The following UBE2U variants were observed in gnomAD, a reference collection of about 807,000 sequenced individuals.
The protein encoded by UBE2U is ubiquitin-conjugating enzyme E2 U.
UBE2U carries 39 observed loss-of-function variants against 41.2 expected under a neutral mutation model. The observed-to-expected ratio is 0.95, with a 90% CI of 0.73 to 1.24. UBE2U has a LOEUF of 1.24. Among genes scored for constraint, UBE2U ranks in the 50% most tolerant of loss-of-function variants. The probability of loss-of-function intolerance (pLI) is 0.00; values close to 1 mark genes in which losing one functional copy is unlikely to be tolerated. For synonymous variants in UBE2U, 107 were observed against 117.8 expected, an observed-to-expected ratio of 0.91 and a Z score of 0.60; for missense variants, 336 against 363.1, an observed-to-expected ratio of 0.93 and a Z score of 0.61.
rs1052253288 is a variant in UBE2U at position 64,267,265 on chromosome 1, G to A, written c.*57G>A. The A allele has an allele frequency of 2.1e-5, 29 of 1,364,890 alleles. No individual in the cohort carries two copies. Among genetic ancestry groups the A allele is most frequent in the Non-Finnish European group, 2.7e-5 (28 of 1,044,686 alleles). 84.5% of individuals were successfully genotyped at this position (1,364,890 alleles called of 1,614,324 possible). A position where few individuals can be genotyped will look rare whatever the true frequency, so the allele number is the denominator to read the frequency against. On this transcript the variant is annotated 3_prime_UTR_variant, in exon 10 of 10. Transcript: ENST00000371077. Reference sequence around the variant, plus strand: ...GCCTCCGCCATAGCCCAGCGTTGTGGAGCAATTTTGGAAGACTCTCAGAAC... The same window carrying A: ...GCCTCCGCCATAGCCCAGCGTTGTGAAGCAATTTTGGAAGACTCTCAGAAC...
chr1:64,258,818 A>T (rs1645138016), intron 8 of UBE2U, among the ~76,000 whole-genome samples: 1 of 152,160 alleles, frequency 6.6e-6, no homozygotes, highest in Non-Finnish European at 1.5e-5. Flanking sequence ...ATGATTTACA[A>T]TCCTTTGGGT....
chr1:64,224,648 G>A (rs1165082502), intron 6 of UBE2U, among the ~76,000 whole-genome samples: 2 of 151,914 alleles, frequency 1.3e-5, no homozygotes, highest in African/African-American at 2.4e-5. Context: ...GCTTGAACCC[G>A]GGAGGTGGAG....
chr1:64,204,982 G>A (rs189563001), intron 1 of UBE2U, among the ~76,000 whole-genome samples: 1 of 152,288 alleles, frequency 6.6e-6, no homozygotes, highest in African/African-American at 2.4e-5. Flanking sequence ...TGTTGAAAGA[G>A]AATCCAATGA....
chr1:64,231,951 T>A (rs1191780916), intron 6 of UBE2U, among the ~76,000 whole-genome samples: 1 of 152,250 alleles, frequency 6.6e-6, no homozygotes, highest in Non-Finnish European at 1.5e-5. Context: ...TTTAAGGGAC[T>A]GCTTTATAGT....
At chr1:64,244,254 C>T (rs1156474244) in intron 8 of UBE2U, 6 of 1,379,524 alleles carry the variant, frequency 4.3e-6, no homozygotes, top group African/African-American at 1.5e-5. Flanking sequence ...GATAACCTTA[C>T]CTATCTTGCA....
In UBE2U at chr1:64,244,096, T is replaced by C. The variant is rs771131416; in HGVS notation, c.677+2363T>C. On this transcript the variant is annotated intron_variant, in intron 8 of 9. Coordinates refer to ENST00000371077, the MANE Select transcript of UBE2U (RefSeq NM_001366232.2). ...TAAAGTTCGCTATTATTCATGCTTT[T>C]AAAACTTTACTGTGGCCCTCATTCA... The C allele has an allele frequency of 1.3e-4, 201 of 1,516,318 alleles. No homozygotes were observed. In the Admixed American group the frequency reaches 3.3e-3, roughly 25 times the overall value. 93.9% of individuals were successfully genotyped at this position (1,516,318 alleles called of 1,614,324 possible). A position where few individuals can be genotyped will look rare whatever the true frequency, so the allele number is the denominator to read the frequency against.
chr1:64,266,633 T>C (rs1645259364), intron 9 of UBE2U, among the ~76,000 whole-genome samples: 1 of 152,190 alleles, frequency 6.6e-6, no homozygotes, highest in Non-Finnish European at 1.5e-5. Context: ...TTCTTCTATC[T>C]AACATGTTCT....
At chr1:64,256,970 A>G (rs903869200) in intron 8 of UBE2U, among the ~76,000 whole-genome samples, 6 of 152,334 alleles carry the variant, frequency 3.9e-5, no homozygotes, top group African/African-American at 1.4e-4. Flanking sequence ...TCAAAAGAAG[A>G]TATACATGCA....
At chr1:64,211,062 G>T (rs377528173) in intron 4 of UBE2U, among the ~76,000 whole-genome samples, 2 of 152,126 alleles carry the variant, frequency 1.3e-5, no homozygotes, top group African/African-American at 2.4e-5. Context: ...CAAGACCAAA[G>T]AATGCATATC....
chr1:64,237,922 T>C lies in UBE2U; in HGVS notation c.596-3730T>C, dbSNP rs561407876. 1.9e-3 allele frequency among the ~76,000 whole-genome samples: 289 copies of C among 152,320 alleles called. 1 individual carries two copies. Among genetic ancestry groups the C allele is most frequent in the African/African-American group, 6.7e-3 (279 of 41,572 alleles). On this transcript the variant is annotated intron_variant, in intron 7 of 9. Coordinates refer to ENST00000371077, the MANE Select transcript of UBE2U (RefSeq NM_001366232.2). ...ATTTCAAAAAGTTTAAGAAAAGATA[T>C]GAATTATCCTTAAATAGAAACCTCA...
chr1:64,251,426 T>C (rs1645009202), intron 8 of UBE2U, among the ~76,000 whole-genome samples: 1 of 152,102 alleles, frequency 6.6e-6, no homozygotes, highest in African/African-American at 2.4e-5. Context: ...ATCCTCTCAA[T>C]AGATGAAAAG....
chr1:64,239,126 G>GAA (rs1260958815), intron 7 of UBE2U, among the ~76,000 whole-genome samples: 1 of 22,868 alleles, frequency 4.4e-5, no homozygotes, highest in African/African-American at 2.3e-4. Context: ...AGAAGAAGAA[G>GAA]AAGAAGAAGA....
chr1:64,210,701 T>A (rs1478410686), intron 3 of UBE2U, 41 bp from the exon 4 acceptor site: 2 of 1,246,314 alleles, frequency 1.6e-6, no homozygotes. Flanking sequence ...TAAATAATAA[T>A]TTATTATAAA....
intron 3 of UBE2U, among the ~76,000 whole-genome samples, chr1:64,208,925 T>C (rs1435315322): frequency 6.6e-6 from 1 of 152,156 alleles, no homozygotes; most frequent in Non-Finnish European, 1.5e-5. Flanking sequence ...CATTGAACAA[T>C]AAAATGTAAA....
chr1:64,260,479 C>T, intron 8 of UBE2U, 124 bp from the exon 9 acceptor site: 2 of 666,274 alleles, frequency 3.0e-6, no homozygotes, highest in South Asian at 2.1e-5. Context: ...AGAATGGTTC[C>T]ATATTCAAAG....
rs139498620 is a variant in UBE2U at position 64,205,636 on chromosome 1, A to T, written c.67-3A>T. The T allele has an allele frequency of 1.7e-5, 28 of 1,606,704 alleles. No homozygotes were observed. Among genetic ancestry groups the T allele is most frequent in the Middle Eastern group, 1.7e-4 (1 of 6,034 alleles). ...CTGATTTAATTTTGTTTTTAACTTCAAGGGTATCACTGCTAAGCCTGTAAG... is the reference window on the plus strand; with the variant it reads ...CTGATTTAATTTTGTTTTTAACTTCTAGGGTATCACTGCTAAGCCTGTAAG... On this transcript the variant is annotated splice_region_variant and splice_polypyrimidine_tract_variant and intron_variant, in intron 1 of 9. Coordinates refer to ENST00000371077, the MANE Select transcript of UBE2U (RefSeq NM_001366232.2).
chr1:64,232,482 CAGTCCATAT>C lies in UBE2U; in HGVS notation c.507-76_507-68del, dbSNP rs1372439297. ...ATCTTGTGACAAGATATTATGTGAA[CAGTCCATAT>C]AGCAGTACAATAATTTTAAAAAGAA... On this transcript the variant is annotated intron_variant, in intron 6 of 9. Transcript: ENST00000371077. 28 of 913,384 alleles carry C rather than the reference CAGTCCATAT, an allele frequency of 3.1e-5. No individual in the cohort carries two copies. In the Admixed American group the frequency reaches 6.4e-4, roughly 21 times the overall value. The allele number at this position is 913,384 out of a possible 1,614,324, so 56.6% of individuals were successfully genotyped here. A position where few individuals can be genotyped will look rare whatever the true frequency, so the allele number is the denominator to read the frequency against.
At chr1:64,219,319 T>G (rs1000428334) in intron 5 of UBE2U, among the ~76,000 whole-genome samples, 44 of 104,104 alleles carry the variant, frequency 4.2e-4, no homozygotes, top group African/African-American at 1.2e-3. Context: ...TGATTTATTC[T>G]TTTTTTTTCT....
At chr1:64,250,579 T>G (rs1270511830) in intron 8 of UBE2U, among the ~76,000 whole-genome samples, 1 of 152,122 alleles carries the variant, frequency 6.6e-6, no homozygotes, top group Non-Finnish European at 1.5e-5. Flanking sequence ...ACCCAAAGGA[T>G]TATAAATCAT....
Sources: gnomAD v4.1 joint callset for allele counts (sites outside exome capture counted in the v4.1 genomes callset) on GRCh38, gnomAD v4.1.1 for gene constraint, MANE v1.5 for transcripts, NCBI Gene and HGNC (gene_info 2026-07-23, HGNC 2026-07-21) for gene names.